Variants in FAM178B observed in about 807,000 individuals in gnomAD.
FAM178B encodes family with sequence similarity 178 member B.
FAM178B carries 82 observed loss-of-function variants against 91.7 expected under a neutral mutation model. That is an observed-to-expected ratio of 0.89 (90% CI 0.75 to 1.07). The LOEUF is 1.07. Ranked by LOEUF, FAM178B falls within the 50% of genes least tolerant of loss-of-function variation. The probability of loss-of-function intolerance (pLI) is 0.00; values close to 1 mark genes in which losing one functional copy is unlikely to be tolerated. For missense variants in FAM178B, 769 were observed against 846.7 expected (o/e 0.91, Z 1.14); for synonymous variants, 368 against 359.4 (o/e 1.02, Z -0.27).
In FAM178B at chr2:96,947,824, G is replaced by A; in HGVS notation, c.1072C>T (p.Gln358Ter). ...CCTGCATCCCAGTACTGACCAGGCT[G>A]AAGGAAGATTCCATCCACAATGAGA... The part of the protein sequence containing the change: ...WDLIVDGIFL[Q>*]PDEDKHLWCP... Residue 358 changes from glutamine (Q) to a stop codon, truncating the protein, a stop_gained, in exon 8 of 17, where the codon CAG becomes TAG. Coordinates refer to ENST00000490605, the MANE Select transcript of FAM178B (RefSeq NM_001122646.3). LOFTEE classifies it high-confidence loss of function. 1.9e-6 allele frequency: 3 copies of A among 1,540,020 alleles called. No individual in the cohort carries two copies. The highest frequency in any genetic ancestry group is 2.6e-6 in the Non-Finnish European group (3 of 1,136,600).
intron 13 of FAM178B, among the ~76,000 whole-genome samples, chr2:96,896,331 C>T (rs1363792851): frequency 1.3e-5 from 2 of 152,204 alleles, no homozygotes. Context: ...CTGCCTGTGC[C>T]GTTGTGCCTT....
chr2:96,889,456 A>G (rs1012140949), intron 14 of FAM178B, among the ~76,000 whole-genome samples: 6 of 152,072 alleles, frequency 3.9e-5, no homozygotes, highest in Admixed American at 2.0e-4. Flanking sequence ...AGGCAGGTGG[A>G]TCACCTGAGG....
intron 7 of FAM178B, 117 bp downstream of exon 7, chr2:96,951,262 C>T: frequency 1.4e-6 from 1 of 730,674 alleles, no homozygotes. Flanking sequence ...AGCCTGAGCC[C>T]AGCCAAGCAG....
chr2:96,970,976 C>T (rs902073553), intron 3 of FAM178B, among the ~76,000 whole-genome samples, 199 bp from the exon 4 acceptor site: 16 of 152,030 alleles, frequency 1.1e-4, no homozygotes, highest in Non-Finnish European at 1.5e-5. Context: ...CCCCCAGCCA[C>T]CTGTTCCCTC....
chr2:96,947,348 T>C (rs2081846791), intron 8 of FAM178B, among the ~76,000 whole-genome samples: 1 of 152,170 alleles, frequency 6.6e-6, no homozygotes, highest in Non-Finnish European at 1.5e-5. Flanking sequence ...ACTGTGGATG[T>C]CCTATCAGCC....
At chr2:96,893,013 G>A (rs138019804) in intron 14 of FAM178B, among the ~76,000 whole-genome samples, 3 of 152,298 alleles carry the variant, frequency 2.0e-5, no homozygotes, top group African/African-American at 7.2e-5. Context: ...GCGTGCACCT[G>A]GGGATTAGCA....
chr2:96,884,828 GCT>G (rs1402031893), intron 14 of FAM178B, among the ~76,000 whole-genome samples: 1 of 152,228 alleles, frequency 6.6e-6, no homozygotes. Context: ...GGTATCGAAA[GCT>G]CTGTTCCCAA....
chr2:96,911,097 T>C (rs2081148966), intron 12 of FAM178B, among the ~76,000 whole-genome samples: 1 of 152,072 alleles, frequency 6.6e-6, no homozygotes, highest in Non-Finnish European at 1.5e-5. Context: ...GTTCTACCTC[T>C]TTATGCTTCT....
intron 12 of FAM178B, among the ~76,000 whole-genome samples, chr2:96,920,963 T>C (rs1055069060): frequency 6.6e-6 from 1 of 152,156 alleles, no homozygotes; most frequent in Non-Finnish European, 1.5e-5. Flanking sequence ...ATTGTTTTGC[T>C]AATAAGACCA....
At position 96,947,918 on chromosome 2, in the gene FAM178B, AAAC is replaced by A. The variant is rs1232122256; in HGVS notation, c.994-19_994-17del. The A allele has an allele frequency of 1.4e-6, 2 of 1,384,838 alleles. No homozygotes were observed. Among genetic ancestry groups the A allele is most frequent in the East Asian group, 5.0e-5 (2 of 40,252 alleles). The allele number at this position is 1,384,838 out of a possible 1,614,324, so 85.8% of individuals were successfully genotyped here. ...ATGTCAGCAGCTAGGTGGAAAAAAA[AAAC>A]AAAAACAAAAACCTGGTGAGCTGGG... On this transcript the variant is annotated splice_polypyrimidine_tract_variant and intron_variant, in intron 7 of 16. Coordinates refer to ENST00000490605, the MANE Select transcript of FAM178B (RefSeq NM_001122646.3).
At chr2:96,948,992 A>G (rs1275293451) in intron 7 of FAM178B, among the ~76,000 whole-genome samples, 1 of 152,114 alleles carries the variant, frequency 6.6e-6, no homozygotes, top group East Asian at 1.9e-4. Flanking sequence ...CGGCATCTAG[A>G]ACTCTGCCTT....
chr2:96,947,924 AAAC>A lies in FAM178B; in HGVS notation c.994-25_994-23del. The stretch of plus-strand genomic sequence containing the variant: ...GCAGCTAGGTGGAAAAAAAAAACAA[AAAC>A]AAAAACCTGGTGAGCTGGGTCATTC... On this transcript the variant is annotated intron_variant, in intron 7 of 16. Coordinates refer to ENST00000490605, the MANE Select transcript of FAM178B (RefSeq NM_001122646.3). 7 of 1,403,370 alleles carry A rather than the reference AAAC, an allele frequency of 5.0e-6. No homozygotes were observed. The African/African-American group carries it at 8.9e-5, about 18-fold the overall frequency. 86.9% of individuals were successfully genotyped at this position (1,403,370 alleles called of 1,614,324 possible). A position where few individuals can be genotyped will look rare whatever the true frequency, so the allele number is the denominator to read the frequency against.
chr2:96,884,040 A>G (rs1461944344), intron 14 of FAM178B, among the ~76,000 whole-genome samples: 5 of 152,108 alleles, frequency 3.3e-5, no homozygotes, highest in African/African-American at 1.2e-4. Context: ...GTGCTGGTCT[A>G]CCCTGGGCCC....
At chr2:96,931,989 C>T (rs2081547858) in intron 8 of FAM178B, among the ~76,000 whole-genome samples, 1 of 152,076 alleles carries the variant, frequency 6.6e-6, no homozygotes, top group Non-Finnish European at 1.5e-5. Flanking sequence ...AAAGAGAGAA[C>T]TGTTCACCAG....
Position 96,929,360 on chromosome 2 carries a change from C to T in FAM178B, c.1079-40G>A, listed in dbSNP as rs146352855. 1,994 of 1,441,008 alleles carry T rather than the reference C, an allele frequency of 1.4e-3. 6 individuals are homozygous for T. Among genetic ancestry groups the T allele is most frequent in the Non-Finnish European group, 1.5e-3 (1,619 of 1,046,784 alleles). 89.3% of individuals were successfully genotyped at this position (1,441,008 alleles called of 1,614,324 possible). A position where few individuals can be genotyped will look rare whatever the true frequency, so the allele number is the denominator to read the frequency against. On this transcript the variant is annotated intron_variant, in intron 8 of 16. Transcript: ENST00000490605. Reference sequence around the variant, plus strand: ...GGGAGCAGAGAGTTAGAATGGGGAACGGAGGGCAGGGTGCACCACTCCCAC... The same window carrying T: ...GGGAGCAGAGAGTTAGAATGGGGAATGGAGGGCAGGGTGCACCACTCCCAC...
chr2:96,882,678 C>CA, intron 14 of FAM178B, among the ~76,000 whole-genome samples: 1 of 152,206 alleles, frequency 6.6e-6, no homozygotes, highest in Middle Eastern at 3.2e-3. Context: ...CTTCTATACG[C>CA]CAGAGGGAGG....
At chr2:96,911,532 C>CA (rs564863437) in intron 12 of FAM178B, among the ~76,000 whole-genome samples, 188 of 152,314 alleles carry the variant, frequency 1.2e-3, no homozygotes, top group African/African-American at 4.0e-3. Context: ...TGCACCGTGG[C>CA]ATTTCACCCT....
At chr2:96,954,485 G>C (rs1023351765) in intron 6 of FAM178B, among the ~76,000 whole-genome samples, 38 of 152,246 alleles carry the variant, frequency 2.5e-4, no homozygotes, top group African/African-American at 9.2e-4. Flanking sequence ...TGGAATTTCT[G>C]TTCCTTATCA....
chr2:96,906,768 G>A (rs2081064508), intron 12 of FAM178B, among the ~76,000 whole-genome samples: 1 of 152,214 alleles, frequency 6.6e-6, no homozygotes, highest in African/African-American at 2.4e-5. Context: ...GTCAGACAGG[G>A]CCAGCTTTCC....
Sources: allele counts gnomAD v4.1 joint callset (sites outside exome capture counted in the v4.1 genomes callset), GRCh38; gene constraint gnomAD v4.1.1; transcripts MANE v1.5; gene names NCBI Gene and HGNC (gene_info 2026-07-23, HGNC 2026-07-21).